VTI1A: variants seen among roughly 807,000 people sequenced by gnomAD.
VTI1A encodes vesicle transport through interaction with t-SNAREs homolog 1A.
VTI1A carries 22 observed loss-of-function variants against 34.9 expected under a neutral mutation model. That is an observed-to-expected ratio of 0.63 (90% confidence interval 0.45 to 0.90). The LOEUF is 0.90. Ranked by LOEUF, VTI1A falls within the 40% of genes least tolerant of loss-of-function variation. The pLI is 0.00. For missense variants in VTI1A, 268 were observed against 275.6 expected (o/e 0.97, Z 0.20); for synonymous variants, 87 against 97.3 (o/e 0.89, Z 0.62).
intron 7 of VTI1A, among the ~76,000 whole-genome samples, chr10:112,701,680 T>C (rs866684003): frequency 6.6e-6 from 1 of 152,152 alleles, no homozygotes; most frequent in Admixed American, 6.5e-5. Context: ...TATACTTGAT[T>C]AGGAACAAAA....
At chr10:112,618,514 T>TAGAGAGAGAGAG (rs1418805647) in intron 5 of VTI1A, among the ~76,000 whole-genome samples, 727 of 42,290 alleles carry the variant, frequency 0.017, 14 homozygotes, top group Non-Finnish European at 0.02. Context: ...TATATATATA[T>TAGAGAGAGAGAG]ATATATATAT....
intron 5 of VTI1A, among the ~76,000 whole-genome samples, chr10:112,570,960 C>T (rs879696230): frequency 6.6e-6 from 1 of 152,240 alleles, no homozygotes; most frequent in South Asian, 2.1e-4. Flanking sequence ...TAAGTCCTAT[C>T]ATCCCCACTT....
intron 7 of VTI1A, among the ~76,000 whole-genome samples, chr10:112,726,290 A>G (rs1398772192): frequency 6.6e-6 from 1 of 152,226 alleles, no homozygotes; most frequent in African/African-American, 2.4e-5. Flanking sequence ...TGGGCTTCTA[A>G]GACACCAGAG....
chr10:112,589,846 A>C (rs139592606), intron 5 of VTI1A, among the ~76,000 whole-genome samples: 4 of 152,220 alleles, frequency 2.6e-5, no homozygotes, highest in Non-Finnish European at 5.9e-5. Flanking sequence ...TTATTACTGC[A>C]TGCACAAGAA....
intron 5 of VTI1A, among the ~76,000 whole-genome samples, chr10:112,620,350 G>A (rs188063472): frequency 2.6e-5 from 4 of 152,262 alleles, no homozygotes; most frequent in African/African-American, 9.6e-5. Context: ...ACAGTTTAGC[G>A]GAAAGAATGG....
chr10:112,618,534 G>GAGAGAGAGAGAA (rs1554922610), intron 5 of VTI1A, among the ~76,000 whole-genome samples: 145 of 128,794 alleles, frequency 1.1e-3, no homozygotes, highest in African/African-American at 2.9e-3. Flanking sequence ...TAGAGAGAGA[G>GAGAGAGAGAGAA]AGAGAGAGAG....
the VTI1A span, among the ~76,000 whole-genome samples, chr10:112,827,943 A>G: frequency 1.3e-5 from 2 of 152,218 alleles, no homozygotes; most frequent in Non-Finnish European, 2.9e-5. Context: ...TCCCAAAAAT[A>G]TGGCATTACA....
chr10:112,759,172 AAAG>A (rs1488883269), intron 7 of VTI1A, among the ~76,000 whole-genome samples: 1 of 152,150 alleles, frequency 6.6e-6, no homozygotes. Context: ...TGAGAGAGAA[AAAG>A]AAGCCCGAGG....
chr10:112,464,910 A>G (rs1462944312), intron 3 of VTI1A, among the ~76,000 whole-genome samples: 3 of 152,174 alleles, frequency 2.0e-5, no homozygotes, highest in African/African-American at 7.2e-5. Context: ...GTATTTACTG[A>G]TACTTAACAT....
In VTI1A at chr10:112,627,778, C is replaced by G. The variant is rs11196026; in HGVS notation, c.428-40440C>G. On this transcript the variant is annotated intron_variant, in intron 5 of 7. Transcript: ENST00000393077. ...TGACCAAACTGATGAGATCCCTGTT[C>G]TCATTAACTCAACATTATAATAGTG... 4.4e-3 allele frequency among the ~76,000 whole-genome samples: 674 copies of G among 152,146 alleles called. 2 individuals carry two copies. The highest frequency in any genetic ancestry group is 0.01 in the Middle Eastern group (3 of 294).
At chr10:112,516,550 C>T (rs1177048177) in intron 3 of VTI1A, among the ~76,000 whole-genome samples, 1 of 151,944 alleles carries the variant, frequency 6.6e-6, no homozygotes, top group Non-Finnish European at 1.5e-5. Flanking sequence ...GACTTTGGAC[C>T]TATTGGCTTA....
chr10:112,506,407 C>G (rs1849429669), intron 3 of VTI1A, among the ~76,000 whole-genome samples: 1 of 152,094 alleles, frequency 6.6e-6, no homozygotes, highest in Admixed American at 6.6e-5. Context: ...ACAGGGAGGT[C>G]TTGGAATACA....
chr10:112,634,562 T>C (rs1846272554), intron 5 of VTI1A, among the ~76,000 whole-genome samples: 1 of 151,804 alleles, frequency 6.6e-6, no homozygotes, highest in African/African-American at 2.4e-5. Context: ...TTTCATGTTT[T>C]CTTCCTTTTG....
At chr10:112,651,351 C>T (rs965040875) in intron 5 of VTI1A, among the ~76,000 whole-genome samples, 79 of 152,152 alleles carry the variant, frequency 5.2e-4, no homozygotes, top group African/African-American at 1.8e-3. Context: ...ACTGTTGTTG[C>T]CCAGGCTGGA....
intron 5 of VTI1A, among the ~76,000 whole-genome samples, chr10:112,577,768 G>A (rs1213538859): frequency 6.6e-6 from 1 of 152,220 alleles, no homozygotes; most frequent in East Asian, 1.9e-4. Context: ...ATCAAAAATT[G>A]TATTTTAAAA....
At chr10:112,464,181 A>T (rs1452498996) in intron 2 of VTI1A, among the ~76,000 whole-genome samples, 2 of 152,134 alleles carry the variant, frequency 1.3e-5, no homozygotes, top group African/African-American at 4.8e-5. Flanking sequence ...TATTTTTGGT[A>T]GAGATGGGGT....
chr10:112,791,234 A>G (rs1852467557), intron 7 of VTI1A, among the ~76,000 whole-genome samples: 3 of 152,328 alleles, frequency 2.0e-5, no homozygotes, highest in East Asian at 3.9e-4. Context: ...ATCTGGGAAT[A>G]CAATATAGAT....
At chr10:112,766,164 T>G (rs118009141) in intron 7 of VTI1A, among the ~76,000 whole-genome samples, 25 of 152,254 alleles carry the variant, frequency 1.6e-4, no homozygotes, top group Admixed American at 5.9e-4. Context: ...TGTTAAGGCC[T>G]TTTGACAAGG....
chr10:112,587,310 T>G (rs1382332247), intron 5 of VTI1A, among the ~76,000 whole-genome samples: 1 of 152,166 alleles, frequency 6.6e-6, no homozygotes, highest in Non-Finnish European at 1.5e-5. Flanking sequence ...TTGCAGTAGT[T>G]AGTCACTGTG....
Sources: allele counts gnomAD v4.1 joint callset (sites outside exome capture counted in the v4.1 genomes callset), GRCh38; gene constraint gnomAD v4.1.1; transcripts MANE v1.5; gene names NCBI Gene and HGNC (gene_info 2026-07-23, HGNC 2026-07-21).